Variants in ZNF729 observed in about 807,000 individuals in gnomAD.
The protein encoded by ZNF729 is zinc finger protein 729.
A neutral mutation model predicts 12.2 loss-of-function variants in ZNF729; 15 were observed. That is an observed-to-expected ratio of 1.23 (90% confidence interval 0.82 to 1.89). The LOEUF (loss-of-function observed/expected upper bound fraction) is 1.89. Among genes scored for constraint, ZNF729 ranks in the 40% most tolerant of loss-of-function variants. The probability of loss-of-function intolerance (pLI) is 0.00; values close to 1 mark genes in which losing one functional copy is unlikely to be tolerated. For missense variants in ZNF729, 1,540 were observed against 1,456.7 expected, an observed-to-expected ratio of 1.06 and a Z score of -0.93; for synonymous variants, 492 against 476.3, an observed-to-expected ratio of 1.03 and a Z score of -0.43.
rs369327097 is a variant in ZNF729 at position 22,312,560 on chromosome 19, A to G, written c.254-1111A>G. 1.4e-4 allele frequency among the ~76,000 whole-genome samples: 21 copies of G among 151,990 alleles called. No individual in the cohort carries two copies. The East Asian group carries it at 3.3e-3, about 24-fold the overall frequency. On this transcript the variant is annotated intron_variant, in intron 3 of 3. Transcript: ENST00000601693. ...TTTTTGTGTGTGTGGTACTATATTCAGTGCTGCTGTAACATCTAACTTTGG... is the reference window on the plus strand; with the variant it reads ...TTTTTGTGTGTGTGGTACTATATTCGGTGCTGCTGTAACATCTAACTTTGG...
Position 22,316,267 on chromosome 19 carries a change from C to A in ZNF729, c.2850C>A (p.Thr950=), listed in dbSNP as rs769050762. ...ECGKAFNDSS[T]LMKHKIIHTG... Reference sequence around the variant, plus strand: ...GCAAAGCTTTTAATGATTCCTCAACCCTTATGAAGCATAAGATAATTCATA... The same window carrying A: ...GCAAAGCTTTTAATGATTCCTCAACACTTATGAAGCATAAGATAATTCATA... The change falls in exon 4 of 4, where the codon ACC becomes ACA. Residue 950 remains threonine (T), a synonymous_variant. Coordinates refer to ENST00000601693, the MANE Select transcript of ZNF729 (RefSeq NM_001242680.2). 9 of 1,613,088 alleles carry A rather than the reference C, an allele frequency of 5.6e-6. No homozygotes were observed. In the East Asian group the frequency reaches 2.0e-4, roughly 36 times the overall value.
chr19:22,295,643 G>A lies in ZNF729; in HGVS notation c.31-8115G>A, dbSNP rs570352371. On this transcript the variant is annotated intron_variant, in intron 1 of 3. Coordinates refer to ENST00000601693, the MANE Select transcript of ZNF729 (RefSeq NM_001242680.2). ...TCTCGATCTCCTGACCTCGTGATCC[G>A]CCCGTCTCGGCCTCCCAAAGTGCTA... 5.9e-5 allele frequency among the ~76,000 whole-genome samples: 9 copies of A among 152,048 alleles called. No individual in the cohort carries two copies. The East Asian group carries it at 1.2e-3, about 20-fold the overall frequency.
At chr19:22,312,477 T>TGTGTGTGTGTGTGTG (rs1491132977) in intron 3 of ZNF729, among the ~76,000 whole-genome samples, 5 of 147,266 alleles carry the variant, frequency 3.4e-5, no homozygotes, top group African/African-American at 7.5e-5. Flanking sequence ...TGTGTGTGTG[T>TGTGTGTGTGTGTGTG]TTAGATAAAG....
In ZNF729 at chr19:22,286,468, G is replaced by T. The variant is rs1460953728; in HGVS notation, c.-58G>T. 3.1e-6 allele frequency: 5 copies of T among 1,609,060 alleles called. No individual in the cohort carries two copies. The East Asian group carries it at 8.9e-5, about 29-fold the overall frequency. ...AGTTCCCGGTCTCGCCTTCACTGCTGTGTGTCCTCAGCCTCTGTGGCCCTG... is the reference window on the plus strand; with the variant it reads ...AGTTCCCGGTCTCGCCTTCACTGCTTTGTGTCCTCAGCCTCTGTGGCCCTG... On this transcript the variant is annotated 5_prime_UTR_variant, in exon 1 of 4. Transcript: ENST00000601693.
chr19:22,316,805 A>G lies in ZNF729; in HGVS notation c.3388A>G (p.Lys1130Glu). ...ACATAAGATAATTCATACTGGGGAG[A>G]AACCCTACAAATGTGAAGAATGTGG... Reference protein sequence around the residue: ...TKHKIIHTGEKPYKCEECGKA... With the variant: ...TKHKIIHTGEEPYKCEECGKA... Residue 1130 changes from lysine (K) to glutamate (E), a missense_variant, in exon 4 of 4, where the codon AAA becomes GAA. Coordinates refer to ENST00000601693, the MANE Select transcript of ZNF729 (RefSeq NM_001242680.2). The G allele has an allele frequency of 6.2e-7, 1 of 1,613,330 alleles. No individual in the cohort carries two copies. The highest frequency in any genetic ancestry group is 8.5e-7 in the Non-Finnish European group (1 of 1,179,988).
chr19:22,304,143 A>G (rs376732119), intron 2 of ZNF729, among the ~76,000 whole-genome samples: 21 of 151,732 alleles, frequency 1.4e-4, no homozygotes, highest in African/African-American at 2.9e-4. Flanking sequence ...GGTTCATGCA[A>G]TTCTCCTGCC....
rs181975280 is a variant in ZNF729 at position 22,291,222 on chromosome 19, G to A, written c.30+4667G>A. 3.0e-3 allele frequency among the ~76,000 whole-genome samples: 457 copies of A among 152,230 alleles called. 2 individuals are homozygous for A. Among genetic ancestry groups the A allele is most frequent in the East Asian group, 0.01 (52 of 5,158 alleles). On this transcript the variant is annotated intron_variant, in intron 1 of 3. Transcript: ENST00000601693. Reference sequence around the variant, plus strand: ...GTCTGGAATGGATCTCTGGGTGTCTGGGAATGGGAGGCTCTGCTTTTCTCT... The same window carrying A: ...GTCTGGAATGGATCTCTGGGTGTCTAGGAATGGGAGGCTCTGCTTTTCTCT...
chr19:22,302,589 TTTAA>T (rs1968325341), intron 1 of ZNF729, among the ~76,000 whole-genome samples: 1 of 152,300 alleles, frequency 6.6e-6, no homozygotes, highest in South Asian at 2.1e-4. Context: ...TAAAAAAATA[TTTAA>T]ATTACACAGA....
At chr19:22,307,807 T>G (rs1417864575) in intron 3 of ZNF729, among the ~76,000 whole-genome samples, 1,911 of 144,712 alleles carry the variant, frequency 0.013, 20 homozygotes, top group African/African-American at 0.048. Flanking sequence ...TGTGTTTTTT[T>G]TTTTTTTTTT....
chr19:22,314,741 A>T lies in ZNF729; in HGVS notation c.1324A>T (p.Asn442Tyr). Residue 442 changes from asparagine to tyrosine, a missense_variant, in exon 4 of 4, where the codon AAC (asparagine) becomes TAC (tyrosine). Coordinates refer to ENST00000601693, the MANE Select transcript of ZNF729 (RefSeq NM_001242680.2). ...YKCEECGKAF[N>Y]SSSTLMKHKI... is the part of the protein sequence containing the mutation. The stretch of plus-strand genomic sequence containing the variant: ...ATGTGAAGAATGTGGCAAAGCTTTT[A>T]ACAGTTCCTCAACCCTTATGAAACA... 9 of 1,613,642 alleles carry T rather than the reference A, an allele frequency of 5.6e-6. No homozygotes were observed. The highest frequency in any genetic ancestry group is 6.8e-6 in the Non-Finnish European group (8 of 1,179,896).
At chr19:22,292,363 A>G (rs139521112) in intron 1 of ZNF729, among the ~76,000 whole-genome samples, 1 of 152,316 alleles carries the variant, frequency 6.6e-6, no homozygotes, top group East Asian at 1.9e-4. Context: ...TGCAAATGAC[A>G]TAATCTTGTT....
At chr19:22,291,526 T>TA (rs1264765454) in intron 1 of ZNF729, among the ~76,000 whole-genome samples, 4 of 152,172 alleles carry the variant, frequency 2.6e-5, no homozygotes, top group Non-Finnish European at 4.4e-5. Flanking sequence ...TCTCCTGGCA[T>TA]ATCCCAACCC....
chr19:22,314,629 C>T lies in ZNF729; in HGVS notation c.1212C>T (p.Tyr404=), dbSNP rs778024562. Residue 404 remains tyrosine, a synonymous_variant, in exon 4 of 4, where the codon TAC becomes TAT. Transcript: ENST00000601693. ...HKVVHTGEKP[Y]KCEECGKAFS... ...TAGTTCATACTGGAGAGAAACCCTA[C>T]AAATGTGAAGAATGTGGCAAAGCTT... 2 of 1,612,382 alleles carry T rather than the reference C, an allele frequency of 1.2e-6. No homozygotes were observed. Among genetic ancestry groups the T allele is most frequent in the Non-Finnish European group, 1.7e-6 (2 of 1,179,884 alleles).
At position 22,305,237 on chromosome 19, in the gene ZNF729, CAG is replaced by C. The variant is rs1212266683; in HGVS notation, c.253+456_253+457del. On this transcript the variant is annotated intron_variant, in intron 3 of 3. Transcript: ENST00000601693. ...CCTGACCTGAGACACTCACCAGAAA[CAG>C]ATACAGGCACACACTTCTTGTACAG... Among the ~76,000 whole-genome samples the C allele has an allele frequency of 2.0e-5, 3 of 152,148 alleles. No homozygotes were observed. The East Asian group carries it at 5.8e-4, about 29-fold the overall frequency.
At position 22,297,645 on chromosome 19, in the gene ZNF729, A is replaced by G. The variant is rs1280164091; in HGVS notation, c.31-6113A>G. 4.0e-4 allele frequency among the ~76,000 whole-genome samples: 8 copies of G among 19,926 alleles called. No homozygotes were observed. The East Asian group carries it at 5.0e-3, about 12-fold the overall frequency. The allele number at this position is 19,926 out of a possible 152,430, so 13.1% of individuals were successfully genotyped here. The stretch of plus-strand genomic sequence containing the variant: ...TTGCTTTGTTTTTGCTTTGGTGTAG[A>G]TATATATATATATATATATGGTCTT... On this transcript the variant is annotated intron_variant, in intron 1 of 3. Transcript: ENST00000601693.
In ZNF729 at chr19:22,316,309, C is replaced by A; in HGVS notation, c.2892C>A (p.Tyr964Ter). ...TAATTCATACTGGGAAGAAACCATA[C>A]AAATGTGCAGAATGTGGCAAAGCTT... The part of the protein sequence containing the change: ...HKIIHTGKKP[Y>*]KCAECGKAFK... The change falls in exon 4 of 4, where the codon TAC becomes TAA. Residue 964 changes from tyrosine (Y) to a stop codon, truncating the protein, a stop_gained. Transcript: ENST00000601693. LOFTEE classifies it low-confidence loss of function (END_TRUNC). 1 of 1,613,584 alleles carries A rather than the reference C, an allele frequency of 6.2e-7. No individual in the cohort carries two copies. The highest frequency in any genetic ancestry group is 8.5e-7 in the Non-Finnish European group (1 of 1,179,688).
chr19:22,287,671 ATT>A (rs35755169), intron 1 of ZNF729, among the ~76,000 whole-genome samples: 7 of 145,346 alleles, frequency 4.8e-5, no homozygotes, highest in African/African-American at 7.6e-5. Flanking sequence ...CGGAGGACTG[ATT>A]TTTTTTTTTT....
intron 1 of ZNF729, among the ~76,000 whole-genome samples, chr19:22,291,591 G>T (rs1968155363): frequency 6.6e-6 from 1 of 152,064 alleles, no homozygotes; most frequent in Non-Finnish European, 1.5e-5. Flanking sequence ...TGGGGTTCTG[G>T]ACAACCTGTT....
chr19:22,309,377 A>C (rs1244133175), intron 3 of ZNF729, among the ~76,000 whole-genome samples: 2 of 152,122 alleles, frequency 1.3e-5, no homozygotes, highest in Non-Finnish European at 2.9e-5. Flanking sequence ...TCCAGGAGGC[A>C]GAGGTTGTGG....
Sources: allele counts gnomAD v4.1 joint callset (sites outside exome capture counted in the v4.1 genomes callset), GRCh38; gene constraint gnomAD v4.1.1; transcripts MANE v1.5; gene names NCBI Gene and HGNC (gene_info 2026-07-23, HGNC 2026-07-21).